LUZP2: variants seen among roughly 807,000 people sequenced by gnomAD.
The protein encoded by LUZP2 is leucine zipper protein 2.
A neutral mutation model predicts 51.6 loss-of-function variants in LUZP2; 52 were observed. That is an observed-to-expected ratio of 1.01 (90% CI 0.81 to 1.27). LUZP2 has a LOEUF of 1.27. Among genes scored for constraint, LUZP2 ranks in the 50% most tolerant of loss-of-function variants. LUZP2 has a pLI of 0.00. For synonymous variants in LUZP2, 154 were observed against 137.3 expected, an observed-to-expected ratio of 1.12 and a Z score of -0.85; for missense variants, 436 against 395.4, an observed-to-expected ratio of 1.10 and a Z score of -0.87.
At chr11:24,510,664 G>C (rs376248898) in intron 1 of LUZP2, among the ~76,000 whole-genome samples, 2 of 151,840 alleles carry the variant, frequency 1.3e-5, no homozygotes, top group African/African-American at 4.8e-5. Context: ...ATATATATAC[G>C]TATACCACAT....
At chr11:24,718,730 T>C (rs1042323886) in intron 1 of LUZP2, among the ~76,000 whole-genome samples, 2 of 152,094 alleles carry the variant, frequency 1.3e-5, no homozygotes, top group African/African-American at 2.4e-5. Flanking sequence ...TAAAAAGAGA[T>C]GGAGAATACA....
chr11:24,565,657 C>T (rs1852191789), intron 1 of LUZP2, among the ~76,000 whole-genome samples: 1 of 151,940 alleles, frequency 6.6e-6, no homozygotes, highest in South Asian at 2.1e-4. Context: ...TTTAAATGAC[C>T]AAACTGATAA....
At chr11:24,775,310 C>T (rs1162415141) in intron 5 of LUZP2, among the ~76,000 whole-genome samples, 1 of 152,132 alleles carries the variant, frequency 6.6e-6, no homozygotes. Flanking sequence ...GCATAAAGTT[C>T]ATTTTGATAG....
At chr11:24,632,327 C>A (rs759814106) in intron 1 of LUZP2, among the ~76,000 whole-genome samples, 1 of 151,894 alleles carries the variant, frequency 6.6e-6, no homozygotes, top group Non-Finnish European at 1.5e-5. Context: ...GTTTTCTGAT[C>A]CAATATGTAT....
intron 9 of LUZP2, among the ~76,000 whole-genome samples, chr11:24,984,549 T>TATATATATATATATAAATAA (rs60530495): frequency 1.4e-5 from 1 of 71,224 alleles, no homozygotes; most frequent in Non-Finnish European, 2.8e-5. Flanking sequence ...TATATATATA[T>TATATATATATATATAAATAA]AATTGTGAAT....
chr11:24,646,506 T>C, intron 1 of LUZP2: 1 of 775,178 alleles, frequency 1.3e-6, no homozygotes, highest in Non-Finnish European at 1.6e-6. Flanking sequence ...CTTATTGGAA[T>C]TTACAGCCCT....
intron 1 of LUZP2, among the ~76,000 whole-genome samples, chr11:24,578,421 T>C (rs536334076): frequency 1.3e-5 from 2 of 152,148 alleles, no homozygotes; most frequent in Non-Finnish European, 2.9e-5. Flanking sequence ...AGAAATCTTA[T>C]CCATAGTCAT....
chr11:24,572,133 A>G, intron 1 of LUZP2, among the ~76,000 whole-genome samples: 1 of 152,040 alleles, frequency 6.6e-6, no homozygotes, highest in East Asian at 1.9e-4. Context: ...TGAAGTGATG[A>G]TGTCAGGCCA....
chr11:24,861,627 G>A (rs1851744368), intron 5 of LUZP2, among the ~76,000 whole-genome samples: 1 of 152,158 alleles, frequency 6.6e-6, no homozygotes, highest in African/African-American at 2.4e-5. Context: ...CAGTGTAAGA[G>A]CAGCTAGGGG....
At chr11:25,020,016 T>A (rs573043420) in intron 9 of LUZP2, among the ~76,000 whole-genome samples, 3 of 152,104 alleles carry the variant, frequency 2.0e-5, no homozygotes, top group Non-Finnish European at 4.4e-5. Context: ...TTGAGAGAAT[T>A]TATAGGTTCC....
At chr11:24,956,353 T>G (rs1200664155) in intron 7 of LUZP2, among the ~76,000 whole-genome samples, 1 of 152,078 alleles carries the variant, frequency 6.6e-6, no homozygotes, top group Non-Finnish European at 1.5e-5. Flanking sequence ...CACCTTGACT[T>G]TGGCCCAGTA....
intron 9 of LUZP2, among the ~76,000 whole-genome samples, chr11:24,985,870 G>T (rs1400923600): frequency 6.6e-6 from 1 of 151,616 alleles, no homozygotes; most frequent in Non-Finnish European, 1.5e-5. Flanking sequence ...AATGAATAGG[G>T]TTAAATATTG....
At chr11:24,598,801 C>A (rs1853528676) in intron 1 of LUZP2, among the ~76,000 whole-genome samples, 7 of 152,138 alleles carry the variant, frequency 4.6e-5, no homozygotes, top group Admixed American at 4.6e-4. Context: ...GTTGACAGCA[C>A]AATGGGATGT....
chr11:24,869,268 C>A (rs2029198), intron 5 of LUZP2, among the ~76,000 whole-genome samples: 2 of 152,096 alleles, frequency 1.3e-5, no homozygotes, highest in Non-Finnish European at 2.9e-5. Context: ...AGTACAGATA[C>A]AGCCTCGTTT....
chr11:24,570,093 A>C (rs970833187), intron 1 of LUZP2, among the ~76,000 whole-genome samples: 1 of 152,016 alleles, frequency 6.6e-6, no homozygotes, highest in Admixed American at 6.6e-5. Flanking sequence ...TTTTGTATCC[A>C]AATTACTCTT....
At chr11:24,880,317 A>G (rs1041222296) in intron 5 of LUZP2, among the ~76,000 whole-genome samples, 32 of 151,566 alleles carry the variant, frequency 2.1e-4, no homozygotes, top group Non-Finnish European at 7.4e-5. Flanking sequence ...GGCTGCTGCC[A>G]GGGCATGGGA....
At chr11:24,689,020 G>A (rs1856982155) in intron 1 of LUZP2, among the ~76,000 whole-genome samples, 1 of 152,108 alleles carries the variant, frequency 6.6e-6, no homozygotes, top group African/African-American at 2.4e-5. Flanking sequence ...TTGGAGGGAG[G>A]AATTCAGCCA....
chr11:24,537,630 C>T (rs913240267), intron 1 of LUZP2, among the ~76,000 whole-genome samples: 1 of 127,544 alleles, frequency 7.8e-6, no homozygotes, highest in Middle Eastern at 3.7e-3. Flanking sequence ...TTTTTTATAG[C>T]TTTTTACCAC....
At chr11:24,792,670 G>T (rs1185020149) in intron 5 of LUZP2, among the ~76,000 whole-genome samples, 1 of 152,106 alleles carries the variant, frequency 6.6e-6, no homozygotes, top group East Asian at 1.9e-4. Flanking sequence ...TTTGAGGGAA[G>T]CTTCATTGGG....
Sources: allele counts gnomAD v4.1 joint callset (sites outside exome capture counted in the v4.1 genomes callset), GRCh38; gene constraint gnomAD v4.1.1; transcripts MANE v1.5; gene names NCBI Gene and HGNC (gene_info 2026-07-23, HGNC 2026-07-21).